Variants in SAMD12 observed in about 807,000 individuals in gnomAD.
The protein encoded by SAMD12 is sterile alpha motif domain containing 12, also known as sterile alpha motif domain-containing protein 12.
Under a neutral mutation model 15.0 loss-of-function variants are expected in SAMD12, and 9 were observed. That is an observed-to-expected ratio of 0.60 (90% CI 0.36 to 1.05). SAMD12 has a LOEUF of 1.05. Ranked by LOEUF, SAMD12 falls within the 50% of genes least tolerant of loss-of-function variation. The probability of loss-of-function intolerance (pLI) is 0.01; values close to 1 mark genes in which losing one functional copy is unlikely to be tolerated. For missense variants in SAMD12, 230 were observed against 234.2 expected (o/e 0.98, Z 0.12); for synonymous variants, 86 against 90.1 (o/e 0.96, Z 0.25).
At chr8:118,616,254 A>G (rs1175500429) in intron 1 of SAMD12, among the ~76,000 whole-genome samples, 1 of 152,200 alleles carries the variant, frequency 6.6e-6, no homozygotes, top group Non-Finnish European at 1.5e-5. Context: ...ACACAGTTGG[A>G]AGTTCTCATT....
chr8:118,482,632 C>A (rs1338923958), intron 2 of SAMD12, among the ~76,000 whole-genome samples: 2 of 152,096 alleles, frequency 1.3e-5, no homozygotes, highest in African/African-American at 4.8e-5. Flanking sequence ...AGGTTATATG[C>A]AAATACTATG....
rs1003221213 is a variant in SAMD12, at chr8:118,380,054, G to A, written c.323-354C>T. Reference sequence around the variant, plus strand: ...CCATAGAAACAATGCTCTTCACTGGGGGCTGGATTCTCAGGCTGGCCCACA... The same window carrying A: ...CCATAGAAACAATGCTCTTCACTGGAGGCTGGATTCTCAGGCTGGCCCACA... On this transcript the variant is annotated intron_variant, in intron 3 of 3. Transcript: ENST00000314727. Among the ~76,000 whole-genome samples the A allele has an allele frequency of 2.6e-5, 4 of 152,262 alleles. 1 individual carries two copies. The South Asian group carries it at 8.3e-4, about 32-fold the overall frequency.
chr8:118,545,701 C>A (rs750452319), intron 2 of SAMD12, among the ~76,000 whole-genome samples: 1 of 152,186 alleles, frequency 6.6e-6, no homozygotes, highest in Non-Finnish European at 1.5e-5. Context: ...AAAAAACATA[C>A]TGGCAATGAA....
At chr8:118,156,039 T>C in the SAMD12 span, among the ~76,000 whole-genome samples, 1 of 152,226 alleles carries the variant, frequency 6.6e-6, no homozygotes, top group Non-Finnish European at 1.5e-5. Flanking sequence ...ATTTTCAGTC[T>C]TTTGCAATGA....
At chr8:118,501,217 T>G (rs565095398) in intron 2 of SAMD12, among the ~76,000 whole-genome samples, 8 of 152,338 alleles carry the variant, frequency 5.3e-5, no homozygotes, top group African/African-American at 1.4e-4. Flanking sequence ...TATATCCCAA[T>G]GTCTTGTTTT....
intron 1 of SAMD12, among the ~76,000 whole-genome samples, chr8:118,610,495 T>C (rs1348934742): frequency 6.6e-6 from 1 of 152,172 alleles, no homozygotes; most frequent in African/African-American, 2.4e-5. Flanking sequence ...GAAAATTAGT[T>C]ATCTTCTCTG....
chr8:118,319,996 C>G (rs867112901), intron 4 of SAMD12, among the ~76,000 whole-genome samples: 1 of 152,068 alleles, frequency 6.6e-6, no homozygotes, highest in South Asian at 2.1e-4. Context: ...AAGGAGAATA[C>G]TGGATCATTA....
intron 2 of SAMD12, among the ~76,000 whole-genome samples, chr8:118,469,575 T>G (rs1199616467): frequency 2.0e-5 from 1 of 51,270 alleles, no homozygotes; most frequent in African/African-American, 7.1e-5. Flanking sequence ...TATATGTATT[T>G]TTTTTGAGGC....
intron 4 of SAMD12, among the ~76,000 whole-genome samples, chr8:118,328,741 C>T (rs1162962263): frequency 1.3e-5 from 2 of 152,132 alleles, no homozygotes; most frequent in Non-Finnish European, 2.9e-5. Context: ...CTCACTGAGC[C>T]TCACTGTTCT....
At chr8:118,428,708 G>C (rs1201153210) in intron 3 of SAMD12, among the ~76,000 whole-genome samples, 1 of 151,944 alleles carries the variant, frequency 6.6e-6, no homozygotes, top group Non-Finnish European at 1.5e-5. Flanking sequence ...TTCTCTCGTT[G>C]GATTGCTTTG....
chr8:118,526,454 G>C (rs186210564), intron 2 of SAMD12, among the ~76,000 whole-genome samples: 1 of 152,106 alleles, frequency 6.6e-6, no homozygotes, highest in Admixed American at 6.6e-5. Context: ...GGTAGCTCTG[G>C]GATGAAGCCC....
At chr8:118,612,139 C>G (rs1828127285) in intron 1 of SAMD12, among the ~76,000 whole-genome samples, 1 of 152,174 alleles carries the variant, frequency 6.6e-6, no homozygotes, top group Non-Finnish European at 1.5e-5. Flanking sequence ...GCAGGCAAGA[C>G]CAATTCCTTT....
intron 4 of SAMD12, among the ~76,000 whole-genome samples, chr8:118,251,381 G>A (rs1417543327): frequency 2.6e-5 from 4 of 152,016 alleles, no homozygotes; most frequent in Admixed American, 1.3e-4. Flanking sequence ...ATCAAAGCCC[G>A]CCCTGGTTTT....
intron 4 of SAMD12, among the ~76,000 whole-genome samples, chr8:118,330,138 A>G (rs1816747442): frequency 6.6e-6 from 1 of 152,212 alleles, no homozygotes; most frequent in African/African-American, 2.4e-5. Flanking sequence ...ACTAGACAGG[A>G]TATCATCCCA....
At chr8:118,469,767 TG>T (rs1293458404) in intron 2 of SAMD12, among the ~76,000 whole-genome samples, 1 of 149,854 alleles carries the variant, frequency 6.7e-6, no homozygotes, top group East Asian at 2.0e-4. Flanking sequence ...TTCGCCATGT[TG>T]GCCAGACTGG....
At chr8:118,193,720 T>C (rs543460853) in exon 5 of SAMD12, 2 of 152,256 alleles carry the variant, frequency 1.3e-5, no homozygotes, top group Admixed American at 1.3e-4. Context: ...CTTTATAGAA[T>C]TCTTGAAAAC....
chr8:118,577,831 A>C (rs1334148583), intron 2 of SAMD12, among the ~76,000 whole-genome samples: 2 of 152,174 alleles, frequency 1.3e-5, no homozygotes, highest in Non-Finnish European at 2.9e-5. Context: ...ATTAGAAGCC[A>C]TGTGAGGAAA....
chr8:118,279,915 C>T (rs887149526), intron 4 of SAMD12, among the ~76,000 whole-genome samples: 4 of 152,188 alleles, frequency 2.6e-5, no homozygotes, highest in African/African-American at 9.7e-5. Flanking sequence ...TGAGTTCAGA[C>T]AACACACAAA....
At chr8:118,403,970 T>C (rs768447713) in intron 3 of SAMD12, among the ~76,000 whole-genome samples, 5 of 152,132 alleles carry the variant, frequency 3.3e-5, no homozygotes, top group African/African-American at 1.2e-4. Context: ...TTTTGCTTGA[T>C]AGATTTTTGG....
Sources: allele counts gnomAD v4.1 joint callset (sites outside exome capture counted in the v4.1 genomes callset), GRCh38; gene constraint gnomAD v4.1.1; transcripts MANE v1.5; gene names NCBI Gene and HGNC (gene_info 2026-07-23, HGNC 2026-07-21).